The following EPHA6 variants were observed in gnomAD, a reference collection of about 807,000 sequenced individuals.
EPHA6 encodes the protein ephrin type-A receptor 6.
A neutral mutation model predicts 112.0 loss-of-function variants in EPHA6; 50 were observed. The ratio of observed to expected loss-of-function variants is 0.45; its 90% CI spans 0.36 to 0.56. EPHA6 has a LOEUF of 0.56. Among genes scored for constraint, EPHA6 ranks in the 20% least tolerant of loss-of-function variants. The pLI is 0.00. For synonymous variants in EPHA6, 529 were observed against 490.7 expected (o/e 1.08, Z -1.03); for missense variants, 1,280 against 1,417.4 (o/e 0.90, Z 1.56).
intron 2 of EPHA6, among the ~76,000 whole-genome samples, chr3:96,894,097 C>G (rs763245873): frequency 6.6e-6 from 1 of 152,150 alleles, no homozygotes; most frequent in African/African-American, 2.4e-5. Flanking sequence ...GACAGAACAA[C>G]AGTCTTGCTT....
intron 5 of EPHA6, among the ~76,000 whole-genome samples, chr3:97,402,484 T>G (rs900617783): frequency 2.0e-5 from 3 of 152,142 alleles, no homozygotes; most frequent in African/African-American, 7.2e-5. Flanking sequence ...TGCATTTGCA[T>G]GGAATGTCTT....
chr3:96,986,913 G>C (rs377401383), intron 2 of EPHA6, among the ~76,000 whole-genome samples: 4 of 152,178 alleles, frequency 2.6e-5, no homozygotes, highest in Admixed American at 6.5e-5. Context: ...GAAACCCTAA[G>C]TGCGTTTTTT....
intron 10 of EPHA6, among the ~76,000 whole-genome samples, chr3:97,491,019 CA>C (rs908640835): frequency 4.6e-5 from 7 of 152,200 alleles, no homozygotes; most frequent in Non-Finnish European, 7.3e-5. Flanking sequence ...TGGGCATCTC[CA>C]ACGTGGCAGC....
intron 3 of EPHA6, among the ~76,000 whole-genome samples, chr3:97,072,332 C>A (rs1460637739): frequency 6.6e-6 from 1 of 152,056 alleles, no homozygotes; most frequent in Non-Finnish European, 1.5e-5. Flanking sequence ...GGACCCCAAT[C>A]CCGTATGACT....
At chr3:97,729,498 C>T (rs2034935452) in intron 15 of EPHA6, among the ~76,000 whole-genome samples, 1 of 151,996 alleles carries the variant, frequency 6.6e-6, no homozygotes, top group Non-Finnish European at 1.5e-5. Flanking sequence ...TCTCATGGGA[C>T]TTATTCACGA....
chr3:97,482,931 C>T (rs1284620589), intron 9 of EPHA6, among the ~76,000 whole-genome samples: 1 of 152,040 alleles, frequency 6.6e-6, no homozygotes, highest in African/African-American at 2.4e-5. Flanking sequence ...TAAGAAATGA[C>T]CTCCTGTCTA....
At chr3:97,691,352 A>G (rs1236606753) in intron 14 of EPHA6, among the ~76,000 whole-genome samples, 1 of 152,224 alleles carries the variant, frequency 6.6e-6, no homozygotes. Context: ...TCTTTGTAGC[A>G]AGTTTTAAAG....
intron 5 of EPHA6, among the ~76,000 whole-genome samples, chr3:97,286,215 T>C (rs954020160): frequency 6.6e-6 from 1 of 152,180 alleles, no homozygotes; most frequent in African/African-American, 2.4e-5. Context: ...ATTATTTCCT[T>C]TGCTGTGCAG....
intron 10 of EPHA6, among the ~76,000 whole-genome samples, chr3:97,523,323 T>C (rs1321876764): frequency 6.6e-6 from 1 of 152,158 alleles, no homozygotes; most frequent in Non-Finnish European, 1.5e-5. Flanking sequence ...AATTTCCACA[T>C]ATTTGTGAAT....
intron 2 of EPHA6, among the ~76,000 whole-genome samples, chr3:96,946,272 G>A (rs371306924): frequency 1.5e-4 from 23 of 151,782 alleles, no homozygotes; most frequent in African/African-American, 4.4e-4. Context: ...GTGCTGCACC[G>A]AGTAACTCGT....
intron 5 of EPHA6, among the ~76,000 whole-genome samples, chr3:97,305,568 G>A (rs2081282699): frequency 6.6e-6 from 1 of 151,950 alleles, no homozygotes; most frequent in African/African-American, 2.4e-5. Flanking sequence ...TCCTTTGCAA[G>A]GACATAGATG....
chr3:97,065,799 T>G (rs2046158172), intron 3 of EPHA6, among the ~76,000 whole-genome samples: 1 of 152,062 alleles, frequency 6.6e-6, no homozygotes, highest in Admixed American at 6.6e-5. Context: ...TCCAGTGTGT[T>G]CAGATCATAT....
intron 5 of EPHA6, among the ~76,000 whole-genome samples, chr3:97,267,726 G>C (rs1423624586): frequency 6.6e-6 from 1 of 152,140 alleles, no homozygotes; most frequent in Admixed American, 6.5e-5. Context: ...CAGTGGGATA[G>C]GGTTAAGTTG....
chr3:97,618,073 C>A (rs976647426), intron 13 of EPHA6, among the ~76,000 whole-genome samples: 6 of 152,106 alleles, frequency 3.9e-5, no homozygotes, highest in African/African-American at 1.2e-4. Flanking sequence ...GATATCATAA[C>A]ATTCTCTCAG....
rs2036139122 is a variant in EPHA6, at chr3:97,760,629, A to G, written c.*11928A>G. On this transcript the variant is annotated 3_prime_UTR_variant, in exon 18 of 18. Coordinates refer to ENST00000389672, the MANE Select transcript of EPHA6 (RefSeq NM_001080448.3). ...GGCCGCATCAAATTTTAAATGGTAG[A>G]TGATATCAACAATTGCAGTGCACTC... 1 of 179,922 alleles carries G rather than the reference A, an allele frequency of 5.6e-6. No individual in the cohort carries two copies. Among genetic ancestry groups the G allele is most frequent in the Admixed American group, 6.3e-5 (1 of 15,880 alleles). 11.1% of individuals were successfully genotyped at this position (179,922 alleles called of 1,614,324 possible). A position where few individuals can be genotyped will look rare whatever the true frequency, so the allele number is the denominator to read the frequency against.
At chr3:97,334,478 C>CTT (rs1354125066) in intron 5 of EPHA6, among the ~76,000 whole-genome samples, 2,260 of 128,028 alleles carry the variant, frequency 0.018, 90 homozygotes, top group African/African-American at 0.063. Context: ...TTTTTTTCTT[C>CTT]TTTTTTTTTT....
chr3:96,839,321 G>A (rs2034599109), intron 1 of EPHA6, among the ~76,000 whole-genome samples: 2 of 152,088 alleles, frequency 1.3e-5, no homozygotes, highest in South Asian at 4.2e-4. Context: ...ACCCTATTGT[G>A]AACTACACAT....
chr3:97,699,116 C>A (rs1026934508), intron 14 of EPHA6, among the ~76,000 whole-genome samples: 1 of 152,138 alleles, frequency 6.6e-6, no homozygotes, highest in East Asian at 1.9e-4. Flanking sequence ...TGCATATAGA[C>A]GAGCAGGGTT....
At chr3:97,200,000 C>A (rs1373153358) in intron 3 of EPHA6, among the ~76,000 whole-genome samples, 4 of 151,952 alleles carry the variant, frequency 2.6e-5, no homozygotes, top group South Asian at 2.1e-4. Context: ...ATGATTTGAG[C>A]TTAATCTCAA....
Sources: allele counts gnomAD v4.1 joint callset (sites outside exome capture counted in the v4.1 genomes callset), GRCh38; gene constraint gnomAD v4.1.1; transcripts MANE v1.5; gene names NCBI Gene and HGNC (gene_info 2026-07-23, HGNC 2026-07-21).